CCDC82: variants seen among roughly 807,000 people sequenced by gnomAD.
The protein encoded by CCDC82 is coiled-coil domain-containing protein 82.
A neutral mutation model predicts 60.6 loss-of-function variants in CCDC82; 47 were observed. The ratio of observed to expected loss-of-function variants is 0.77; its 90% CI spans 0.61 to 0.99. CCDC82 has a LOEUF of 0.99. CCDC82 is among the 50% of genes least tolerant of loss of function. The probability of loss-of-function intolerance (pLI) is 0.00; values close to 1 mark genes in which losing one functional copy is unlikely to be tolerated. For missense variants in CCDC82, 588 were observed against 633.0 expected (o/e 0.93, Z 0.76); for synonymous variants, 212 against 207.4 (o/e 1.02, Z -0.19).
At chr11:96,387,854 C>T (rs1229211066) in intron 1 of CCDC82, 1 of 152,172 alleles carries the variant, frequency 6.6e-6, no homozygotes, top group African/African-American at 2.4e-5. Flanking sequence ...TCCCTCTTAT[C>T]ATCTTATTAA....
chr11:96,371,349 G>A (rs1865256812), intron 6 of CCDC82, among the ~76,000 whole-genome samples: 3 of 152,152 alleles, frequency 2.0e-5, no homozygotes, highest in South Asian at 2.1e-4. Context: ...TTGGGAGGCC[G>A]AGGTGGGTGC....
intron 8 of CCDC82, 112 bp from the exon 9 acceptor site, chr11:96,359,290 C>T (rs1274661201): frequency 1.2e-6 from 1 of 822,026 alleles, no homozygotes; most frequent in East Asian, 3.0e-5. Context: ...AGTGTTTACA[C>T]AATGATTCCT....
intron 8 of CCDC82, 114 bp from the exon 9 acceptor site, chr11:96,359,292 A>G (rs1864509941): frequency 3.7e-6 from 3 of 814,824 alleles, no homozygotes; most frequent in Admixed American, 3.6e-5. Flanking sequence ...TGTTTACACA[A>G]TGATTCCTTT....
At chr11:96,378,840 T>C (rs906149013) in intron 5 of CCDC82, among the ~76,000 whole-genome samples, 2 of 151,862 alleles carry the variant, frequency 1.3e-5, no homozygotes, top group Admixed American at 1.3e-4. Flanking sequence ...AGAATAAATA[T>C]AAAGAGACAC....
intron 7 of CCDC82, among the ~76,000 whole-genome samples, chr11:96,370,688 T>G (rs1348436477): frequency 6.6e-6 from 1 of 152,188 alleles, no homozygotes; most frequent in African/African-American, 2.4e-5. Context: ...TTACAACCCC[T>G]GATTCTCAAA....
In CCDC82 at chr11:96,371,024, C is replaced by G; in HGVS notation, c.1198G>C (p.Glu400Gln). Residue 400 changes from glutamate (E) to glutamine (Q), a missense_variant, in exon 7 of 10, where the codon GAG (glutamate) becomes CAG (glutamine). Physicochemically the swap from Glu to Gln is conservative, Grantham distance 29 (BLOSUM62 2). Transcript: ENST00000646818. ...AACAAACTGTGTACCTTATATTGCTCTTTCCAACGACTTCTAGATACCAAG... is the reference window on the plus strand; with the variant it reads ...AACAAACTGTGTACCTTATATTGCTGTTTCCAACGACTTCTAGATACCAAG... ...ESLVSRSRWK[E>Q]QYKERVENYS... The G allele has an allele frequency of 1.9e-6, 3 of 1,592,398 alleles. No homozygotes were observed. Among genetic ancestry groups the G allele is most frequent in the Non-Finnish European group, 2.6e-6 (3 of 1,171,466 alleles).
In CCDC82 at chr11:96,384,402, T is replaced by C; in HGVS notation, c.346A>G (p.Ile116Val). Residue 116 changes from isoleucine (I) to valine (V), a missense_variant, in exon 4 of 10, where the codon ATC (isoleucine) becomes GTC (valine). Physicochemically the swap from Ile to Val is conservative, Grantham distance 29. Coordinates refer to ENST00000646818, the MANE Select transcript of CCDC82 (RefSeq NM_024725.4). ...TGTAAGTCAATATTCCTATGTTTGATTTTGTTCGTTTCTTCTTCATATGTT... is the reference window on the plus strand; with the variant it reads ...TGTAAGTCAATATTCCTATGTTTGACTTTGTTCGTTTCTTCTTCATATGTT... ...GSTYEEETNK[I>V]KHRNIDLQDQ... 1 of 1,613,844 alleles carries C rather than the reference T, an allele frequency of 6.2e-7. No individual in the cohort carries two copies. Among genetic ancestry groups the C allele is most frequent in the South Asian group, 1.1e-5 (1 of 91,078 alleles).
At position 96,360,200 on chromosome 11, in the gene CCDC82, T is replaced by TATATA. The variant is rs67524232; in HGVS notation, c.1381-1023_1381-1022insTATAT. The stretch of plus-strand genomic sequence containing the variant: ...TTTATTTAAATATATATATATATAT[T>TATATA]TTTTTTGTTTTTTTTTTCCTGAGAT... On this transcript the variant is annotated intron_variant, in intron 8 of 9. Transcript: ENST00000646818. Among the ~76,000 whole-genome samples the TATATA allele has an allele frequency of 5.2e-3, 740 of 143,144 alleles. 3 individuals carry two copies. Among genetic ancestry groups the TATATA allele is most frequent in the Non-Finnish European group, 8.9e-3 (585 of 66,088 alleles). The allele number at this position is 143,144 out of a possible 152,430, so 93.9% of individuals were successfully genotyped here. A position where few individuals can be genotyped will look rare whatever the true frequency, so the allele number is the denominator to read the frequency against.
chr11:96,356,230 A>C (rs1864341499), intron 9 of CCDC82: 1 of 160,360 alleles, frequency 6.2e-6, no homozygotes, highest in Non-Finnish European at 1.3e-5. Context: ...TGCTTTGAGA[A>C]ACATCAGTTT....
intron 9 of CCDC82, chr11:96,356,528 AG>A: frequency 4.1e-6 from 4 of 985,242 alleles, no homozygotes; most frequent in Non-Finnish European, 4.8e-6. Context: ...TCAACTTCCC[AG>A]GAAGTCCCAT....
At chr11:96,378,827 T>G (rs1043699094) in intron 5 of CCDC82, among the ~76,000 whole-genome samples, 1 of 151,946 alleles carries the variant, frequency 6.6e-6, no homozygotes, top group African/African-American at 2.4e-5. Context: ...GAATTGTAGT[T>G]TCAGAATAAA....
At chr11:96,366,626 C>T (rs934973276) in intron 7 of CCDC82, among the ~76,000 whole-genome samples, 5 of 152,144 alleles carry the variant, frequency 3.3e-5, no homozygotes, top group African/African-American at 9.7e-5. Flanking sequence ...CACAGTGGCG[C>T]GTGCCTGTAG....
chr11:96,382,675 C>T (rs1865941957), intron 5 of CCDC82: 1 of 151,772 alleles, frequency 6.6e-6, no homozygotes, highest in Non-Finnish European at 1.5e-5. Flanking sequence ...TATCATTTGT[C>T]AAATTTTGGC....
intron 2 of CCDC82, chr11:96,386,993 AC>A (rs1431799111): frequency 6.6e-6 from 1 of 152,272 alleles, no homozygotes; most frequent in African/African-American, 2.4e-5. Context: ...TAGGCATCTT[AC>A]ATTTTTAAGC....
At chr11:96,389,675 C>T (rs901536602) in intron 1 of CCDC82, 169 bp downstream of exon 1, 4 of 152,378 alleles carry the variant, frequency 2.6e-5, no homozygotes, top group African/African-American at 9.6e-5. Context: ...GTTAGAGGCG[C>T]AAAGGGCTGA....
At chr11:96,369,778 A>C (rs1468899816) in intron 7 of CCDC82, among the ~76,000 whole-genome samples, 2 of 152,224 alleles carry the variant, frequency 1.3e-5, no homozygotes, top group Non-Finnish European at 2.9e-5. Flanking sequence ...TGCTCCATGC[A>C]GTTGCCAAAA....
intron 9 of CCDC82, 57 bp from the exon 10 acceptor site, chr11:96,353,771 G>A (rs754982741): frequency 2.2e-4 from 280 of 1,245,452 alleles, no homozygotes; most frequent in Admixed American, 3.7e-4. Context: ...GACAAACTGG[G>A]CCTTTGCAAA....
Position 96,384,557 on chromosome 11 carries a change from T to C in CCDC82, c.191A>G (p.Asp64Gly), listed in dbSNP as rs1391014106. 7 of 1,613,692 alleles carry C rather than the reference T, an allele frequency of 4.3e-6. No homozygotes were observed. The highest frequency in any genetic ancestry group is 5.9e-6 in the Non-Finnish European group (7 of 1,179,754). ...TCCCTTGTTACTATCAAGCTCTTCA[T>C]CATTTTCAAAACTTTCATCACTATC... ...ELDSDESFENDEELDSNKGPD... is the reference protein window; with the variant it reads ...ELDSDESFENGEELDSNKGPD... Residue 64 changes from aspartate (D) to glycine (G), a missense_variant, in exon 4 of 10, where the codon GAT (aspartate) becomes GGT (glycine). By Grantham distance (94) the Asp-to-Gly change is moderately conservative. Coordinates refer to ENST00000646818, the MANE Select transcript of CCDC82 (RefSeq NM_024725.4).
chr11:96,368,727 G>A (rs567920345), intron 7 of CCDC82, among the ~76,000 whole-genome samples: 10 of 152,072 alleles, frequency 6.6e-5, no homozygotes, highest in Non-Finnish European at 1.2e-4. Flanking sequence ...TCAGCCAGGC[G>A]TGGTGGCAGG....
Sources: allele counts gnomAD v4.1 joint callset (sites outside exome capture counted in the v4.1 genomes callset), GRCh38; gene constraint gnomAD v4.1.1; transcripts MANE v1.5; gene names NCBI Gene and HGNC (gene_info 2026-07-23, HGNC 2026-07-21).